PIAS2: variants seen among roughly 807,000 people sequenced by gnomAD.
The protein encoded by PIAS2 is protein inhibitor of activated STAT 2, also known as E3 SUMO-protein ligase PIAS2.
In PIAS2, 19 loss-of-function variants were observed where a neutral mutation model predicts 69.7. That is an observed-to-expected ratio of 0.27 (90% CI 0.19 to 0.40). The LOEUF is 0.40. PIAS2 is among the 10% of genes least tolerant of loss of function. The pLI, the probability that PIAS2 is intolerant of heterozygous loss-of-function variation, is 1.00. For missense variants in PIAS2, 624 were observed against 757.0 expected, an observed-to-expected ratio of 0.82 and a Z score of 2.06; for synonymous variants, 261 against 263.2, an observed-to-expected ratio of 0.99 and a Z score of 0.08.
chr18:46,831,408 T>C (rs2043598234), intron 9 of PIAS2, among the ~76,000 whole-genome samples: 1 of 152,172 alleles, frequency 6.6e-6, no homozygotes, highest in East Asian at 1.9e-4. Flanking sequence ...GAAGACTCAA[T>C]ACTCTTATGT....
intron 1 of PIAS2, among the ~76,000 whole-genome samples, chr18:46,892,892 AAGTGTC>A (rs1431568124): frequency 9.1e-5 from 6 of 66,212 alleles, no homozygotes; most frequent in African/African-American, 3.7e-4. Context: ...TCATTTTTTA[AAGTGTC>A]AGTGGGATTT....
At chr18:46,917,609 G>A (rs2146410750), upstream of PIAS2, 1 of 983,468 alleles carries the variant, frequency 1.0e-6, no homozygotes. Context: ...TTCAGTCCGC[G>A]CGGCGACAGC....
intron 5 of PIAS2, among the ~76,000 whole-genome samples, chr18:46,851,201 A>G (rs1392421231): frequency 6.6e-6 from 1 of 152,260 alleles, no homozygotes; most frequent in African/African-American, 2.4e-5. Context: ...AATACAATTT[A>G]TAAGGAGAAG....
intron 1 of PIAS2, 97 bp from the exon 2 acceptor site, chr18:46,891,151 T>G: frequency 1.2e-6 from 1 of 854,532 alleles, no homozygotes; most frequent in South Asian, 1.6e-5. Flanking sequence ...TCCAGCATTC[T>G]ATCAATTGGC....
intron 10 of PIAS2, among the ~76,000 whole-genome samples, chr18:46,828,874 A>C (rs529430981): frequency 6.6e-6 from 1 of 152,346 alleles, no homozygotes; most frequent in South Asian, 2.1e-4. Context: ...AAAGCAACAG[A>C]AACTTATCAA....
At chr18:46,839,630 C>T (rs923160964) in intron 8 of PIAS2, among the ~76,000 whole-genome samples, 2 of 151,912 alleles carry the variant, frequency 1.3e-5, no homozygotes, top group African/African-American at 4.8e-5. Context: ...TTTGGGAGGC[C>T]GAGGAGGGTG....
chr18:46,813,809 A>G (rs1314194454), intron 13 of PIAS2, among the ~76,000 whole-genome samples: 1 of 152,238 alleles, frequency 6.6e-6, no homozygotes, highest in Non-Finnish European at 1.5e-5. Flanking sequence ...GTTTTGGTTC[A>G]TCAATAAAAT....
chr18:46,895,425 C>G (rs2054692235), intron 1 of PIAS2, among the ~76,000 whole-genome samples: 3 of 152,190 alleles, frequency 2.0e-5, no homozygotes, highest in Admixed American at 6.5e-5. Flanking sequence ...AACCCCAGCA[C>G]TTCGGGAGGC....
intron 12 of PIAS2, chr18:46,816,648 T>G: frequency 1.1e-5 from 3 of 261,180 alleles, no homozygotes; most frequent in Non-Finnish European, 1.8e-5. Flanking sequence ...ATTTTTTTTT[T>G]GTAGAGAGAG....
intron 11 of PIAS2, among the ~76,000 whole-genome samples, chr18:46,824,203 A>T (rs1169842593): frequency 6.6e-6 from 1 of 152,220 alleles, no homozygotes; most frequent in African/African-American, 2.4e-5. Context: ...AGAGAATTGC[A>T]TGAAACTCAC....
intron 1 of PIAS2, 175 bp downstream of exon 1, chr18:46,917,147 C>A (rs1433271482): frequency 9.6e-7 from 1 of 1,044,878 alleles, no homozygotes; most frequent in Non-Finnish European, 1.2e-6. Context: ...GCGTGCCCTC[C>A]GCCGGCCCGC....
intron 1 of PIAS2, chr18:46,907,939 T>A (rs138148883): frequency 2.0e-5 from 3 of 152,160 alleles, no homozygotes; most frequent in African/African-American, 7.2e-5. Flanking sequence ...ACTAATCTGT[T>A]AAAGTTAGGA....
At chr18:46,835,008 C>T (rs987815088) in intron 9 of PIAS2, among the ~76,000 whole-genome samples, 3 of 152,080 alleles carry the variant, frequency 2.0e-5, no homozygotes, top group African/African-American at 7.2e-5. Context: ...CAAAATGCCA[C>T]CTTCAAAAAT....
At chr18:46,890,174 G>C (rs2053844400) in intron 2 of PIAS2, among the ~76,000 whole-genome samples, 1 of 152,208 alleles carries the variant, frequency 6.6e-6, no homozygotes, top group South Asian at 2.1e-4. Flanking sequence ...GTAACTGCCA[G>C]GGGCTAGTGG....
At chr18:46,815,194 C>A in intron 13 of PIAS2, 118 bp downstream of exon 13, 1 of 762,270 alleles carries the variant, frequency 1.3e-6, no homozygotes, top group Non-Finnish European at 2.2e-6. Context: ...ACTTCCTTTC[C>A]ATCAATGTAA....
Position 46,895,424 on chromosome 18 carries a change from A to C in PIAS2, c.25-4370T>G, listed in dbSNP as rs1213288008. The stretch of plus-strand genomic sequence containing the variant: ...GGTGGCTCACACCTGTAACCCCAGC[A>C]CTTCGGGAGGCCAAAGCGGGCGGAT... On this transcript the variant is annotated intron_variant, in intron 1 of 13. Coordinates refer to ENST00000585916, the MANE Select transcript of PIAS2 (RefSeq NM_004671.5). Among the ~76,000 whole-genome samples, 3 of 152,196 alleles carry C rather than the reference A, an allele frequency of 2.0e-5. No homozygotes were observed. In the East Asian group the frequency reaches 5.8e-4, roughly 29 times the overall value.
chr18:46,867,715 C>T (rs926767219), intron 2 of PIAS2, among the ~76,000 whole-genome samples: 1 of 152,214 alleles, frequency 6.6e-6, no homozygotes, highest in African/African-American at 2.4e-5. Flanking sequence ...ACCACATTAT[C>T]TCCCATCATG....
intron 2 of PIAS2, among the ~76,000 whole-genome samples, chr18:46,880,486 G>A (rs1228713671): frequency 1.3e-5 from 2 of 152,192 alleles, no homozygotes; most frequent in East Asian, 3.8e-4. Context: ...GGAGGCTGAG[G>A]CAGGAGGTTC....
chr18:46,819,453 C>T (rs2041932042), intron 12 of PIAS2, among the ~76,000 whole-genome samples: 1 of 152,058 alleles, frequency 6.6e-6, no homozygotes, highest in South Asian at 2.1e-4. Flanking sequence ...CAAAGAATAA[C>T]TTTAAAAGCC....
Sources: gnomAD v4.1 joint callset for allele counts (sites outside exome capture counted in the v4.1 genomes callset) on GRCh38, gnomAD v4.1.1 for gene constraint, MANE v1.5 for transcripts, NCBI Gene and HGNC (gene_info 2026-07-23, HGNC 2026-07-21) for gene names.